DCBLD2: variants seen among roughly 807,000 people sequenced by gnomAD.
DCBLD2 encodes the protein discoidin, CUB and LCCL domain-containing protein 2.
Under a neutral mutation model 86.8 loss-of-function variants are expected in DCBLD2, and 54 were observed. The ratio of observed to expected loss-of-function variants is 0.62; its 90% CI spans 0.50 to 0.78. The LOEUF is 0.78. Among genes scored for constraint, DCBLD2 ranks in the 30% least tolerant of loss-of-function variants. The pLI is 0.00. For synonymous variants in DCBLD2, 354 were observed against 341.3 expected (o/e 1.04, Z -0.41); for missense variants, 908 against 954.2 (o/e 0.95, Z 0.64).
At chr3:98,818,007 C>A in intron 8 of DCBLD2, 114 bp from the exon 9 acceptor site, 1 of 1,305,676 alleles carries the variant, frequency 7.7e-7, no homozygotes, top group Non-Finnish European at 1.0e-6. Flanking sequence ...AATTATGGCT[C>A]ATTTCCATAT....
intron 12 of DCBLD2, among the ~76,000 whole-genome samples, chr3:98,808,851 C>A (rs1213749356): frequency 1.3e-5 from 2 of 151,834 alleles, no homozygotes; most frequent in Non-Finnish European, 2.9e-5. Context: ...TTCTCAGAAA[C>A]TAAAAAAAGA....
intron 3 of DCBLD2, among the ~76,000 whole-genome samples, chr3:98,845,476 A>G (rs963797249): frequency 2.6e-5 from 4 of 152,182 alleles, no homozygotes; most frequent in Admixed American, 6.5e-5. Flanking sequence ...TTCTAGTTAC[A>G]TTTATAACGA....
chr3:98,827,317 C>T (rs1276276133), intron 3 of DCBLD2, among the ~76,000 whole-genome samples: 2 of 152,096 alleles, frequency 1.3e-5, no homozygotes, highest in Admixed American at 1.3e-4. Context: ...AAAAAATTTC[C>T]GACTTCTAAG....
At chr3:98,858,990 A>C (rs141530537) in intron 2 of DCBLD2, among the ~76,000 whole-genome samples, 2,588 of 152,304 alleles carry the variant, frequency 0.017, 61 homozygotes, top group African/African-American at 0.058. Context: ...GGAAGGGGTG[A>C]CAGATGGCAC....
chr3:98,870,751 A>AAG (rs748763554), intron 2 of DCBLD2, among the ~76,000 whole-genome samples: 20 of 130,578 alleles, frequency 1.5e-4, no homozygotes, highest in African/African-American at 5.5e-4. Context: ...GAAAGAAAGA[A>AAG]AGAAAGAAAG....
At chr3:98,835,594 G>A (rs1942424688) in intron 3 of DCBLD2, among the ~76,000 whole-genome samples, 2 of 145,210 alleles carry the variant, frequency 1.4e-5, no homozygotes, top group African/African-American at 5.1e-5. Flanking sequence ...TTGTTGCCCA[G>A]CCTTGAGTGC....
rs200705133 is a variant in DCBLD2, at chr3:98,799,314, A to AT, written c.*57dup. The AT allele has an allele frequency of 1.0e-4, 118 of 1,173,944 alleles. No homozygotes were observed. The East Asian group carries it at 2.7e-3, about 27-fold the overall frequency. The allele number at this position is 1,173,944 out of a possible 1,614,324, so 72.7% of individuals were successfully genotyped here. On this transcript the variant is annotated 3_prime_UTR_variant, in exon 16 of 16. Transcript: ENST00000326840. ...ATTCTATATATTACTACCACTAATA[A>AT]TTAAAAAAAAAAGGCCATGTGCTTT...
At position 98,798,553 on chromosome 3, in the gene DCBLD2, T is replaced by G. The variant is rs1220648336; in HGVS notation, c.*819A>C. On this transcript the variant is annotated 3_prime_UTR_variant, in exon 16 of 16. Transcript: ENST00000326840. Reference sequence around the variant, plus strand: ...GTGGGAGAAGAATCTCCTTTAAAGCTTTCAAATCATAAAGTTGTTCCTGTT... The same window carrying G: ...GTGGGAGAAGAATCTCCTTTAAAGCGTTCAAATCATAAAGTTGTTCCTGTT... The G allele has an allele frequency of 6.6e-6, 1 of 152,210 alleles. No homozygotes were observed. Among genetic ancestry groups the G allele is most frequent in the African/African-American group, 2.4e-5 (1 of 41,440 alleles). 9.4% of individuals were successfully genotyped at this position (152,210 alleles called of 1,614,324 possible).
At chr3:98,851,065 T>A (rs1370106053) in intron 2 of DCBLD2, among the ~76,000 whole-genome samples, 1 of 152,174 alleles carries the variant, frequency 6.6e-6, no homozygotes, top group Non-Finnish European at 1.5e-5. Flanking sequence ...TCACCACTCC[T>A]ATTAACATAG....
rs1034661943 is a variant in DCBLD2 at position 98,876,655 on chromosome 3, T to C, written c.433+4885A>G. ...TCCAATTTAGCAATGTCTAACAAAGTATATAATTTACCTTTTGACTCAGCA... is the reference window on the plus strand; with the variant it reads ...TCCAATTTAGCAATGTCTAACAAAGCATATAATTTACCTTTTGACTCAGCA... On this transcript the variant is annotated intron_variant, in intron 2 of 15. Transcript: ENST00000326840. Among the ~76,000 whole-genome samples the C allele has an allele frequency of 6.6e-5, 10 of 152,146 alleles. No homozygotes were observed. The East Asian group carries it at 1.2e-3, about 18-fold the overall frequency.
At chr3:98,816,369 T>G (rs1299158375) in intron 9 of DCBLD2, 1 of 152,196 alleles carries the variant, frequency 6.6e-6, no homozygotes, top group Non-Finnish European at 1.5e-5. Context: ...GAAGTTTTTA[T>G]AGTATAAGCC....
In DCBLD2 at chr3:98,799,326, AGG is replaced by A; in HGVS notation, c.*44_*45del. On this transcript the variant is annotated 3_prime_UTR_variant, in exon 16 of 16. Coordinates refer to ENST00000326840, the MANE Select transcript of DCBLD2 (RefSeq NM_080927.4). ...ACTACCACTAATAATTAAAAAAAAA[AGG>A]CCATGTGCTTTAAAACGATGCTTTG... is the stretch of plus-strand genomic sequence containing the variant. The A allele has an allele frequency of 6.6e-7, 1 of 1,519,088 alleles. No individual in the cohort carries two copies. Among genetic ancestry groups the A allele is most frequent in the Non-Finnish European group, 8.8e-7 (1 of 1,133,376 alleles). 94.1% of individuals were successfully genotyped at this position (1,519,088 alleles called of 1,614,324 possible). A position where few individuals can be genotyped will look rare whatever the true frequency, so the allele number is the denominator to read the frequency against.
intron 1 of DCBLD2, among the ~76,000 whole-genome samples, chr3:98,890,981 C>T (rs1386730755): frequency 1.3e-5 from 2 of 152,024 alleles, no homozygotes; most frequent in Non-Finnish European, 2.9e-5. Flanking sequence ...AATGAACAAC[C>T]TCCACATGTC....
chr3:98,901,534 C>G lies in DCBLD2; in HGVS notation c.-208G>C. 1 of 407,604 alleles carries G rather than the reference C, an allele frequency of 2.5e-6. No homozygotes were observed. Among genetic ancestry groups the G allele is most frequent in the Non-Finnish European group, 4.1e-6 (1 of 246,738 alleles). 25.2% of individuals were successfully genotyped at this position (407,604 alleles called of 1,614,324 possible). On this transcript the variant is annotated 5_prime_UTR_variant, in exon 1 of 16. Transcript: ENST00000326840. ...TCCCTCCGCTCCCCGCGCCGAGACC[C>G]CAGGCCGGAGCGCAGGGGAGGGGAG...
chr3:98,866,281 C>T (rs891074075), intron 2 of DCBLD2, among the ~76,000 whole-genome samples: 5 of 152,170 alleles, frequency 3.3e-5, no homozygotes, highest in African/African-American at 1.2e-4. Flanking sequence ...TGAGGAATCG[C>T]CACACTGTCT....
intron 2 of DCBLD2, among the ~76,000 whole-genome samples, chr3:98,870,799 AAGAAAGAAAGAAAGGT>A (rs1163898144): frequency 4.1e-5 from 6 of 146,670 alleles, no homozygotes; most frequent in East Asian, 4.1e-4. Flanking sequence ...GAAAGAAAGA[AAGAAAGAAAGAAAGGT>A]AGGCAGGCAT....
chr3:98,819,239 C>G lies in DCBLD2; in HGVS notation c.1050G>C (p.Trp350Cys). 6.2e-7 allele frequency: 1 copy of G among 1,600,674 alleles called. No individual in the cohort carries two copies. Among genetic ancestry groups the G allele is most frequent in the Non-Finnish European group, 8.5e-7 (1 of 1,173,026 alleles). Residue 350 changes from tryptophan (W) to cysteine (C), a missense_variant, in exon 8 of 16, where the codon TGG becomes TGC. Trp to Cys is a radical substitution (Grantham distance 215, BLOSUM62 -2). Coordinates refer to ENST00000326840, the MANE Select transcript of DCBLD2 (RefSeq NM_080927.4). ...WAAFATDEYQ[W>C]LQIDLNKEKK... ...TTTCCTTATTCAAATCTATTTGTAA[C>G]CACTGGTATTCATCAGTGGCAAAAG...
At chr3:98,888,598 C>T (rs1004862399) in intron 1 of DCBLD2, among the ~76,000 whole-genome samples, 4 of 151,954 alleles carry the variant, frequency 2.6e-5, no homozygotes, top group Non-Finnish European at 5.9e-5. Context: ...TAACAATGTG[C>T]TCAATAAATA....
At chr3:98,863,844 A>G (rs1943091199) in intron 2 of DCBLD2, among the ~76,000 whole-genome samples, 1 of 152,236 alleles carries the variant, frequency 6.6e-6, no homozygotes, top group Admixed American at 6.5e-5. Flanking sequence ...AACAAAAGCC[A>G]AAATTGACAA....
Sources: allele counts gnomAD v4.1 joint callset (sites outside exome capture counted in the v4.1 genomes callset), GRCh38; gene constraint gnomAD v4.1.1; transcripts MANE v1.5; gene names NCBI Gene and HGNC (gene_info 2026-07-23, HGNC 2026-07-21).